The following MTA3 variants were observed in gnomAD, a reference collection of about 807,000 sequenced individuals.
MTA3 encodes metastasis-associated protein MTA3.
Under a neutral mutation model 83.5 loss-of-function variants are expected in MTA3, and 34 were observed. That is an observed-to-expected ratio of 0.41 (90% CI 0.31 to 0.54). MTA3 has a LOEUF of 0.54. Ranked by LOEUF, MTA3 falls within the 20% of genes least tolerant of loss-of-function variation. The pLI, the probability that MTA3 is intolerant of heterozygous loss-of-function variation, is 0.33. For synonymous variants in MTA3, 303 were observed against 252.7 expected (o/e 1.20, Z -1.89); for missense variants, 761 against 726.4 (o/e 1.05, Z -0.55).
At chr2:42,622,038 G>A (rs926131624) in intron 4 of MTA3, among the ~76,000 whole-genome samples, 3 of 152,198 alleles carry the variant, frequency 2.0e-5, no homozygotes, top group African/African-American at 7.2e-5. Flanking sequence ...CGGCACTTTG[G>A]GAGGCCAAGG....
At chr2:42,577,131 T>A (rs1268285452) in intron 2 of MTA3, among the ~76,000 whole-genome samples, 68 of 104,608 alleles carry the variant, frequency 6.5e-4, no homozygotes, top group African/African-American at 2.3e-3. Context: ...TATATATATA[T>A]ATAAAAATGA....
intron 8 of MTA3, among the ~76,000 whole-genome samples, chr2:42,678,776 CTG>C (rs370351218): frequency 6.6e-6 from 1 of 151,854 alleles, no homozygotes; most frequent in Admixed American, 6.6e-5. Flanking sequence ...TAATGCATCA[CTG>C]TGTGTGTGTG....
intron 2 of MTA3, among the ~76,000 whole-genome samples, chr2:42,502,146 G>C (rs1045411369): frequency 4.0e-5 from 6 of 151,676 alleles, no homozygotes; most frequent in Non-Finnish European, 8.8e-5. Flanking sequence ...ATCTCAAAGT[G>C]GGGGTGTTGG....
chr2:42,585,112 G>C (rs1487314309), intron 3 of MTA3, among the ~76,000 whole-genome samples: 5 of 151,330 alleles, frequency 3.3e-5, no homozygotes, highest in Admixed American at 2.0e-4. Flanking sequence ...TTTTGAGACA[G>C]AGTTTCGCTC....
chr2:42,610,695 C>A (rs561934532), intron 4 of MTA3, among the ~76,000 whole-genome samples: 2 of 152,170 alleles, frequency 1.3e-5, no homozygotes, highest in South Asian at 4.2e-4. Context: ...AAGATTCTTA[C>A]CCTCGGTCAG....
At chr2:42,512,431 G>A (rs1055561510) in intron 2 of MTA3, among the ~76,000 whole-genome samples, 8 of 152,192 alleles carry the variant, frequency 5.3e-5, no homozygotes, top group Non-Finnish European at 1.2e-4. Flanking sequence ...GACTGCAGGA[G>A]TGTTGCCCTC....
chr2:42,497,770 G>A (rs953778876), intron 2 of MTA3, among the ~76,000 whole-genome samples: 2 of 152,078 alleles, frequency 1.3e-5, no homozygotes, highest in African/African-American at 4.8e-5. Context: ...ATCACAAGCT[G>A]ATGTGAAGGT....
rs183736249 is a variant in MTA3, at chr2:42,497,282, G to A, written c.-141+2028G>A. 2.0e-4 allele frequency among the ~76,000 whole-genome samples: 30 copies of A among 151,636 alleles called. 1 individual carries two copies. In the East Asian group the frequency reaches 4.7e-3, roughly 24 times the overall value. ...ATATAAAAGTAGATAATTAGAAATT[G>A]TCCATACAATAAAGTCCAAATTGGC... On this transcript the variant is annotated intron_variant, in intron 2 of 17. Coordinates refer to the MTA3 transcript ENST00000405592.
chr2:42,749,415 C>T (rs1669695103), intron 16 of MTA3, among the ~76,000 whole-genome samples: 1 of 152,196 alleles, frequency 6.6e-6, no homozygotes, highest in Middle Eastern at 3.4e-3. Flanking sequence ...CAATTTTTAC[C>T]TGATTTTGGT....
intron 11 of MTA3, among the ~76,000 whole-genome samples, chr2:42,698,189 T>A (rs1031383993): frequency 6.6e-6 from 1 of 152,218 alleles, no homozygotes; most frequent in African/African-American, 2.4e-5. Context: ...TGCATACTGC[T>A]CTTTGGAGGT....
At chr2:42,593,877 A>T (rs966401874) in intron 3 of MTA3, among the ~76,000 whole-genome samples, 1 of 151,910 alleles carries the variant, frequency 6.6e-6, no homozygotes, top group Non-Finnish European at 1.5e-5. Context: ...ATTGCTTCAG[A>T]TATTCTTCCA....
At chr2:42,570,379 T>C (rs574637541) in intron 1 of MTA3, 58 bp from the exon 2 acceptor site, 13 of 1,114,484 alleles carry the variant, frequency 1.2e-5, no homozygotes, top group South Asian at 1.0e-4. Flanking sequence ...AAGTCTTGGA[T>C]TGACAAATCT....
chr2:42,734,382 ATT>A lies in MTA3; in HGVS notation c.1759+11359_1759+11360del, dbSNP rs58267129. The stretch of plus-strand genomic sequence containing the variant: ...CTTTTTTGGTTTCCATTTGCATGGA[ATT>A]TTTTTTTTTTTCCATCCCTTTACTT... On this transcript the variant is annotated intron_variant, in intron 16 of 16. Coordinates refer to ENST00000405094, the MANE Select transcript of MTA3 (RefSeq NM_001330442.2). Among the ~76,000 whole-genome samples, 143 of 138,414 alleles carry A rather than the reference ATT, an allele frequency of 1.0e-3. 1 individual carries two copies. The highest frequency in any genetic ancestry group is 3.6e-3 in the Middle Eastern group (1 of 274). 90.8% of individuals were successfully genotyped at this position (138,414 alleles called of 152,430 possible).
Position 42,756,069 on chromosome 2 carries a change from C to G in MTA3, c.*2670C>G. The G allele has an allele frequency of 4.1e-6, 4 of 968,158 alleles. No individual in the cohort carries two copies. Among genetic ancestry groups the G allele is most frequent in the Non-Finnish European group, 3.7e-6 (3 of 814,242 alleles). The allele number at this position is 968,158 out of a possible 1,614,324, so 60.0% of individuals were successfully genotyped here. A position where few individuals can be genotyped will look rare whatever the true frequency, so the allele number is the denominator to read the frequency against. The stretch of plus-strand genomic sequence containing the variant: ...GGTTTTCATCCAGAGATTTGTTTAA[C>G]ACAAAACAAGAAAAGCTGAGAGGCA... On this transcript the variant is annotated 3_prime_UTR_variant, in exon 17 of 17. Coordinates refer to ENST00000405094, the MANE Select transcript of MTA3 (RefSeq NM_001330442.2).
At chr2:42,537,983 A>G (rs1052900545) in intron 2 of MTA3, among the ~76,000 whole-genome samples, 1 of 152,192 alleles carries the variant, frequency 6.6e-6, no homozygotes, top group East Asian at 1.9e-4. Context: ...CTGTAATCCC[A>G]GCACTTTGGG....
intron 2 of MTA3, 80 bp from the exon 3 acceptor site, chr2:42,579,027 G>T (rs533837409): frequency 9.1e-6 from 8 of 882,900 alleles, no homozygotes; most frequent in South Asian, 1.8e-5. Context: ...TCATATAATT[G>T]TGCTGTATCT....
chr2:42,746,914 T>C (rs954926991), intron 16 of MTA3, among the ~76,000 whole-genome samples: 1 of 152,052 alleles, frequency 6.6e-6, no homozygotes, highest in Admixed American at 6.5e-5. Flanking sequence ...AACAACCATG[T>C]AGAAATGTGA....
intron 2 of MTA3, among the ~76,000 whole-genome samples, chr2:42,526,168 G>C (rs1675700291): frequency 6.6e-6 from 1 of 152,104 alleles, no homozygotes; most frequent in Non-Finnish European, 1.5e-5. Flanking sequence ...TAAAGCCCCA[G>C]AGAAAGGCCG....
intron 4 of MTA3, among the ~76,000 whole-genome samples, chr2:42,622,726 A>C (rs947875719): frequency 3.3e-5 from 5 of 151,694 alleles, no homozygotes; most frequent in African/African-American, 1.2e-4. Flanking sequence ...TCCTGGCCTC[A>C]AGTAATCTTC....
Sources: gnomAD v4.1 joint callset for allele counts (sites outside exome capture counted in the v4.1 genomes callset) on GRCh38, gnomAD v4.1.1 for gene constraint, MANE v1.5 for transcripts, NCBI Gene and HGNC (gene_info 2026-07-23, HGNC 2026-07-21) for gene names.